Variants in COG7 observed in about 807,000 individuals in gnomAD.
COG7 encodes the protein conserved oligomeric Golgi complex subunit 7.
Under a neutral mutation model 91.5 loss-of-function variants are expected in COG7, and 49 were observed. The observed-to-expected ratio is 0.54, with a 90% CI of 0.43 to 0.68. The LOEUF (loss-of-function observed/expected upper bound fraction) is 0.68. COG7 is among the 30% of genes least tolerant of loss of function. COG7 has a pLI of 0.00. For synonymous variants in COG7, 365 were observed against 388.7 expected (o/e 0.94, Z 0.72); for missense variants, 895 against 961.3 (o/e 0.93, Z 0.91).
chr16:23,451,446 G>A (rs1964264328), intron 1 of COG7, among the ~76,000 whole-genome samples: 1 of 152,174 alleles, frequency 6.6e-6, no homozygotes, highest in Non-Finnish European at 1.5e-5. Flanking sequence ...AGGCGTGGTG[G>A]CTCACACCAG....
chr16:23,403,989 G>A (rs1236291578), intron 12 of COG7, among the ~76,000 whole-genome samples, 155 bp from the exon 13 acceptor site: 1 of 152,218 alleles, frequency 6.6e-6, no homozygotes, highest in African/African-American at 2.4e-5. Flanking sequence ...TGGAGAACAT[G>A]CTGAATTACA....
intron 10 of COG7, chr16:23,412,618 G>A (rs1963583257): frequency 6.6e-6 from 1 of 152,250 alleles, no homozygotes; most frequent in Non-Finnish European, 1.5e-5. Context: ...GTGGCCCACA[G>A]GCCACACAGG....
At chr16:23,419,507 G>A (rs1386939348) in intron 7 of COG7, among the ~76,000 whole-genome samples, 2 of 151,828 alleles carry the variant, frequency 1.3e-5, no homozygotes, top group Non-Finnish European at 2.9e-5. Flanking sequence ...CCAGCACTTT[G>A]GGAAGCGGAG....
intron 9 of COG7, 28 bp from the exon 10 acceptor site, chr16:23,413,592 G>A (rs767380136): frequency 5.0e-6 from 6 of 1,205,214 alleles, no homozygotes; most frequent in Middle Eastern, 1.9e-4. Flanking sequence ...AAAATGGTAG[G>A]GAGGTCACCA....
chr16:23,407,658 G>A (rs28704552), intron 11 of COG7, among the ~76,000 whole-genome samples: 3,679 of 152,280 alleles, frequency 0.024, 126 homozygotes, highest in African/African-American at 0.082. Context: ...CCAACTGGAC[G>A]GTGAGGACAA....
intron 11 of COG7, among the ~76,000 whole-genome samples, chr16:23,408,475 A>G: frequency 7.0e-6 from 1 of 142,082 alleles, no homozygotes; most frequent in Non-Finnish European, 1.5e-5. Context: ...GGCAGGAGGT[A>G]GGGGCGAGTT....
Position 23,393,321 on chromosome 16 carries a change from G to C in COG7, c.1914C>G (p.Pro638=), listed in dbSNP as rs111414595. ...SNIGQYIMSL[P]LNLEPFVTQE... is the part of the protein sequence containing the mutation. Reference sequence around the variant, plus strand: ...GAGTCACAAATGGCTCAAGATTCAGGGGGAGGGACATGATGTACTGCCCGA... The same window carrying C: ...GAGTCACAAATGGCTCAAGATTCAGCGGGAGGGACATGATGTACTGCCCGA... The change falls in exon 15 of 17, where the codon CCC becomes CCG. Residue 638 remains proline, a synonymous_variant. Coordinates refer to ENST00000307149, the MANE Select transcript of COG7 (RefSeq NM_153603.4). 5.6e-6 allele frequency: 9 copies of C among 1,613,988 alleles called. No individual in the cohort carries two copies. Among genetic ancestry groups the C allele is most frequent in the African/African-American group, 2.7e-5 (2 of 74,920 alleles).
intron 3 of COG7, among the ~76,000 whole-genome samples, chr16:23,443,419 G>T (rs932724943): frequency 1.6e-4 from 25 of 152,126 alleles, no homozygotes; most frequent in African/African-American, 2.4e-4. Context: ...AGCCGGGAAG[G>T]GTGGCTCACG....
At position 23,397,296 on chromosome 16, in the gene COG7, C is replaced by T. The variant is rs373962473; in HGVS notation, c.1887+750G>A. 3.9e-5 allele frequency among the ~76,000 whole-genome samples: 6 copies of T among 152,172 alleles called. No homozygotes were observed. The East Asian group carries it at 7.7e-4, about 20-fold the overall frequency. On this transcript the variant is annotated intron_variant, in intron 14 of 16. Coordinates refer to ENST00000307149, the MANE Select transcript of COG7 (RefSeq NM_153603.4). ...TAGGGGTTGGATTCTAAGGCAAGAG[C>T]GTAAGGCAGAAATCACCTTGAAAAG...
intron 8 of COG7, 138 bp downstream of exon 8, chr16:23,418,562 G>T: frequency 1.4e-6 from 1 of 719,620 alleles, no homozygotes; most frequent in East Asian, 2.7e-5. Flanking sequence ...ATTTTACATT[G>T]GGATTACAAG....
chr16:23,451,838 C>T (rs959982689), intron 1 of COG7, among the ~76,000 whole-genome samples: 11 of 151,870 alleles, frequency 7.2e-5, no homozygotes, highest in African/African-American at 1.9e-4. Flanking sequence ...TTCTCTTATA[C>T]CTATACTATA....
chr16:23,413,167 A>G (rs181575839), intron 10 of COG7: 83 of 376,240 alleles, frequency 2.2e-4, no homozygotes, highest in Non-Finnish European at 3.2e-4. Context: ...GGGGTAAAAA[A>G]TCTCACATCA....
At chr16:23,428,726 C>T (rs576984904) in intron 6 of COG7, among the ~76,000 whole-genome samples, 1 of 147,200 alleles carries the variant, frequency 6.8e-6, no homozygotes, top group East Asian at 2.0e-4. Flanking sequence ...GAGTCTCACT[C>T]TGTTGCCCAG....
chr16:23,390,742 CCT>C (rs1306625505), intron 16 of COG7, among the ~76,000 whole-genome samples: 5 of 152,224 alleles, frequency 3.3e-5, no homozygotes, highest in East Asian at 3.9e-4. Flanking sequence ...TGCCCAGCCC[CCT>C]GTGTTTTCTT....
chr16:23,402,391 A>G (rs1177163354), intron 13 of COG7, among the ~76,000 whole-genome samples: 2 of 151,960 alleles, frequency 1.3e-5, no homozygotes, highest in African/African-American at 2.4e-5. Context: ...TTCTAAAAAT[A>G]AATACCTATA....
chr16:23,434,316 T>C (rs929430406), intron 5 of COG7, among the ~76,000 whole-genome samples: 4 of 152,110 alleles, frequency 2.6e-5, no homozygotes, highest in Admixed American at 2.6e-4. Flanking sequence ...CTTACTGCCT[T>C]CTGAGGGTGT....
At chr16:23,404,869 G>A (rs899702387) in intron 12 of COG7, among the ~76,000 whole-genome samples, 4 of 152,220 alleles carry the variant, frequency 2.6e-5, no homozygotes, top group Admixed American at 6.5e-5. Flanking sequence ...GCAGTGATCC[G>A]AGATTGTGCC....
At chr16:23,398,011 T>G in intron 14 of COG7, 35 bp downstream of exon 14, 1 of 1,571,856 alleles carries the variant, frequency 6.4e-7, no homozygotes, top group Non-Finnish European at 8.8e-7. Flanking sequence ...CTGAAAGACT[T>G]GGACCACCCT....
intron 13 of COG7, among the ~76,000 whole-genome samples, chr16:23,400,446 G>A (rs1161381902): frequency 6.6e-6 from 1 of 152,150 alleles, no homozygotes; most frequent in Non-Finnish European, 1.5e-5. Flanking sequence ...AGAAGCAACG[G>A]CTTCCAGGAG....
Sources: gnomAD v4.1 joint callset for allele counts (sites outside exome capture counted in the v4.1 genomes callset) on GRCh38, gnomAD v4.1.1 for gene constraint, MANE v1.5 for transcripts, NCBI Gene and HGNC (gene_info 2026-07-23, HGNC 2026-07-21) for gene names.